MYO1E: variants seen among roughly 807,000 people sequenced by gnomAD.
MYO1E encodes myosin IE.
A neutral mutation model predicts 151.1 loss-of-function variants in MYO1E; 68 were observed. That is an observed-to-expected ratio of 0.45 (90% CI 0.37 to 0.55). The LOEUF (loss-of-function observed/expected upper bound fraction) is 0.55. Among genes scored for constraint, MYO1E ranks in the 20% least tolerant of loss-of-function variants. The pLI is 0.00. For synonymous variants in MYO1E, 601 were observed against 501.7 expected, an observed-to-expected ratio of 1.20 and a Z score of -2.64; for missense variants, 1,363 against 1,389.3, an observed-to-expected ratio of 0.98 and a Z score of 0.30.
At chr15:59,255,343 C>T (rs2080187982) in intron 4 of MYO1E, among the ~76,000 whole-genome samples, 1 of 152,064 alleles carries the variant, frequency 6.6e-6, no homozygotes, top group African/African-American at 2.4e-5. Flanking sequence ...GTCTCAAACT[C>T]TGCGGCTTAC....
intron 16 of MYO1E, among the ~76,000 whole-genome samples, chr15:59,196,758 G>A (rs1285237925): frequency 1.3e-5 from 2 of 152,124 alleles, no homozygotes; most frequent in African/African-American, 4.8e-5. Context: ...TGCAGAGGTT[G>A]CATGATCAAA....
At chr15:59,138,448 G>A (rs765564400) in intron 26 of MYO1E, 81 bp from the exon 27 acceptor site, 206 of 1,473,136 alleles carry the variant, frequency 1.4e-4, no homozygotes, top group Non-Finnish European at 1.9e-4. Flanking sequence ...CATGGCGGCC[G>A]GCACTGGCCT....
At chr15:59,250,958 G>T (rs946846431) in intron 4 of MYO1E, among the ~76,000 whole-genome samples, 10 of 152,068 alleles carry the variant, frequency 6.6e-5, no homozygotes, top group Non-Finnish European at 1.3e-4. Context: ...AAGACTGAGG[G>T]GGCCTCCAGA....
chr15:59,329,562 G>C (rs1461674234), intron 1 of MYO1E, among the ~76,000 whole-genome samples: 1 of 152,184 alleles, frequency 6.6e-6, no homozygotes, highest in Non-Finnish European at 1.5e-5. Context: ...GAACATTCTA[G>C]GACCTCTGAA....
At chr15:59,220,756 G>A (rs934665683) in intron 9 of MYO1E, among the ~76,000 whole-genome samples, 7 of 151,542 alleles carry the variant, frequency 4.6e-5, no homozygotes, top group Non-Finnish European at 1.0e-4. Flanking sequence ...TCCAACAACA[G>A]ATAAATAAAG....
intron 26 of MYO1E, among the ~76,000 whole-genome samples, chr15:59,146,568 G>A (rs1002348551): frequency 6.6e-6 from 1 of 152,080 alleles, no homozygotes; most frequent in Non-Finnish European, 1.5e-5. Flanking sequence ...TCCTGCCTCG[G>A]CCTCCAGAAC....
chr15:59,136,516 T>C lies in MYO1E; in HGVS notation c.*864A>G. ...AAAGCAGAGCACATCTTTAAGTACC[T>C]GGTGTGAGTTTTGTAAGAAAACCTA... On this transcript the variant is annotated 3_prime_UTR_variant, in exon 28 of 28. Transcript: ENST00000288235. 1 of 318,498 alleles carries C rather than the reference T, an allele frequency of 3.1e-6. No homozygotes were observed. Among genetic ancestry groups the C allele is most frequent in the East Asian group, 7.7e-5 (1 of 13,012 alleles). The allele number at this position is 318,498 out of a possible 1,614,324, so 19.7% of individuals were successfully genotyped here. A position where few individuals can be genotyped will look rare whatever the true frequency, so the allele number is the denominator to read the frequency against.
intron 19 of MYO1E, among the ~76,000 whole-genome samples, chr15:59,176,478 G>C (rs2079626201): frequency 7.1e-6 from 1 of 140,780 alleles, no homozygotes; most frequent in African/African-American, 2.6e-5. Context: ...TTTTTTTAGA[G>C]AAAGGGTCTT....
chr15:59,173,321 T>C, intron 21 of MYO1E, among the ~76,000 whole-genome samples: 1 of 152,192 alleles, frequency 6.6e-6, no homozygotes. Context: ...TCACTAAAAA[T>C]TGATTCATGA....
chr15:59,194,296 A>G (rs2079752520), intron 17 of MYO1E, among the ~76,000 whole-genome samples: 1 of 152,198 alleles, frequency 6.6e-6, no homozygotes. Flanking sequence ...GAGAGAACAG[A>G]CTTAGACTGC....
At chr15:59,202,829 C>A (rs1360695929) in intron 15 of MYO1E, among the ~76,000 whole-genome samples, 1 of 152,116 alleles carries the variant, frequency 6.6e-6, no homozygotes, top group Non-Finnish European at 1.5e-5. Flanking sequence ...GCAGCCTCGA[C>A]CTCCCAGACT....
chr15:59,372,382 G>T, intron 1 of MYO1E, 116 bp downstream of exon 1: 1 of 1,291,066 alleles, frequency 7.7e-7, no homozygotes, highest in Non-Finnish European at 1.1e-6. Context: ...GCCGGCTCCC[G>T]CGTCCACCTT....
intron 10 of MYO1E, among the ~76,000 whole-genome samples, chr15:59,215,960 A>G (rs1366793754): frequency 2.0e-5 from 3 of 152,138 alleles, no homozygotes; most frequent in Non-Finnish European, 4.4e-5. Flanking sequence ...AGGGGTCTGG[A>G]CAACCTAACT....
At position 59,209,815 on chromosome 15, in the gene MYO1E, C is replaced by CTTTTTTTT. The variant is rs71119441; in HGVS notation, c.1362+691_1362+698dup. 8.8e-3 allele frequency among the ~76,000 whole-genome samples: 441 copies of CTTTTTTTT among 49,880 alleles called. 30 individuals are homozygous for CTTTTTTTT. Among genetic ancestry groups the CTTTTTTTT allele is most frequent in the African/African-American group, 0.016 (161 of 9,984 alleles). The allele number at this position is 49,880 out of a possible 152,430, so 32.7% of individuals were successfully genotyped here. ...CTGTATCACTTTTATTTTGAATCAC[C>CTTTTTTTT]TTTTTTTTTTTTTTTTTTTTTTTTT... is the stretch of plus-strand genomic sequence containing the variant. On this transcript the variant is annotated intron_variant, in intron 13 of 27. Transcript: ENST00000288235.
intron 1 of MYO1E, among the ~76,000 whole-genome samples, chr15:59,297,423 A>G (rs1596405586): frequency 8.3e-6 from 1 of 120,830 alleles, no homozygotes; most frequent in Admixed American, 1.0e-4. Flanking sequence ...GGTACGCACC[A>G]CCACACCCAG....
intron 4 of MYO1E, among the ~76,000 whole-genome samples, chr15:59,247,067 G>T (rs114790136): frequency 5.1e-4 from 78 of 152,254 alleles, no homozygotes; most frequent in African/African-American, 1.7e-3. Flanking sequence ...ATGATGGTGC[G>T]CATCTGTGGT....
intron 1 of MYO1E, among the ~76,000 whole-genome samples, chr15:59,330,540 T>C (rs530017418): frequency 4.8e-4 from 73 of 152,340 alleles, no homozygotes; most frequent in South Asian, 4.1e-3. Context: ...TATAGGTACA[T>C]GGCACAGGGA....
intron 26 of MYO1E, among the ~76,000 whole-genome samples, chr15:59,139,058 G>A (rs2079391370): frequency 6.6e-6 from 1 of 152,012 alleles, no homozygotes. Context: ...CACTTGGGAT[G>A]GTTCCAGTTT....
intron 18 of MYO1E, among the ~76,000 whole-genome samples, chr15:59,187,795 G>A (rs1363775762): frequency 6.6e-6 from 1 of 152,218 alleles, no homozygotes; most frequent in Non-Finnish European, 1.5e-5. Flanking sequence ...TGAATCTTAT[G>A]TTCAGTGAAA....
Sources: allele counts gnomAD v4.1 joint callset (sites outside exome capture counted in the v4.1 genomes callset), GRCh38; gene constraint gnomAD v4.1.1; transcripts MANE v1.5; gene names NCBI Gene and HGNC (gene_info 2026-07-23, HGNC 2026-07-21).